Variants in TRAK1 observed in about 807,000 individuals in gnomAD.
The protein encoded by TRAK1 is trafficking kinesin-binding protein 1.
In TRAK1, 33 loss-of-function variants were observed where a neutral mutation model predicts 92.1. The observed-to-expected ratio is 0.36, with a 90% CI of 0.27 to 0.48. The LOEUF is 0.48. TRAK1 is among the 20% of genes least tolerant of loss of function. TRAK1 has a pLI of 0.99. For missense variants in TRAK1, 1,123 were observed against 1,257.9 expected (o/e 0.89, Z 1.62); for synonymous variants, 521 against 517.3 (o/e 1.01, Z -0.10).
chr3:42,076,044 A>G (rs1260983019), intron 1 of TRAK1, among the ~76,000 whole-genome samples: 1 of 151,164 alleles, frequency 6.6e-6, no homozygotes, highest in Non-Finnish European at 1.5e-5. Context: ...GGGTTTCATG[A>G]TGTTGGCTAG....
intron 2 of TRAK1, among the ~76,000 whole-genome samples, chr3:42,153,831 G>A (rs574665248): frequency 2.6e-5 from 4 of 152,180 alleles, no homozygotes; most frequent in South Asian, 4.2e-4. Context: ...CTGAGTTTTC[G>A]AATTTTCCTA....
At chr3:42,074,686 T>G (rs1704073716) in intron 1 of TRAK1, among the ~76,000 whole-genome samples, 2 of 152,122 alleles carry the variant, frequency 1.3e-5, no homozygotes, top group Admixed American at 1.3e-4. Flanking sequence ...GTTTTTTTTT[T>G]TTTTTTCCCA....
At chr3:42,194,979 G>A (rs138574437) in intron 10 of TRAK1, 38 bp downstream of exon 10, 322 of 1,609,392 alleles carry the variant, frequency 2.0e-4, no homozygotes, top group Non-Finnish European at 2.6e-4. Context: ...GGACAGGAGG[G>A]GTTCTGGTGA....
chr3:42,138,612 T>G (rs1698245014), intron 2 of TRAK1, among the ~76,000 whole-genome samples: 1 of 151,452 alleles, frequency 6.6e-6, no homozygotes, highest in Non-Finnish European at 1.5e-5. Context: ...ACTGGCCAGA[T>G]GTGGCGGCTC....
At chr3:42,146,712 G>A (rs2133066) in intron 2 of TRAK1, among the ~76,000 whole-genome samples, 77,067 of 151,912 alleles carry the variant, frequency 0.51, 21,861 homozygotes, top group East Asian at 0.94. Context: ...GTGCTACCAC[G>A]TCTAGCTGGT....
chr3:42,108,608 G>A (rs899647685), intron 1 of TRAK1, among the ~76,000 whole-genome samples: 1 of 151,488 alleles, frequency 6.6e-6, no homozygotes, highest in Non-Finnish European at 1.5e-5. Flanking sequence ...ATGGGTAAAT[G>A]ATGGAAGTAG....
chr3:42,030,403 T>C (rs942738877), intron 1 of TRAK1, among the ~76,000 whole-genome samples: 1 of 147,420 alleles, frequency 6.8e-6, no homozygotes, highest in African/African-American at 2.5e-5. Flanking sequence ...CCGGGCGTGG[T>C]AGCTCACGTC....
intron 1 of TRAK1, among the ~76,000 whole-genome samples, chr3:42,062,057 C>T (rs1703468299): frequency 6.6e-6 from 1 of 152,160 alleles, no homozygotes; most frequent in African/African-American, 2.4e-5. Context: ...ATTGAAATTG[C>T]AAGAGGAGTC....
chr3:42,152,823 A>G (rs1559840575), intron 2 of TRAK1, among the ~76,000 whole-genome samples: 2 of 152,200 alleles, frequency 1.3e-5, no homozygotes, highest in African/African-American at 4.8e-5. Context: ...TAGTTACTCT[A>G]GAAATAGGTA....
chr3:42,174,411 C>T (rs1702935116), intron 2 of TRAK1, among the ~76,000 whole-genome samples: 1 of 152,096 alleles, frequency 6.6e-6, no homozygotes, highest in African/African-American at 2.4e-5. Context: ...TGTATCAGTG[C>T]TGATATCCTG....
intron 14 of TRAK1, among the ~76,000 whole-genome samples, chr3:42,217,030 C>T (rs1709779678): frequency 1.3e-5 from 2 of 151,672 alleles, no homozygotes; most frequent in Admixed American, 1.3e-4. Context: ...GGTGACTTCA[C>T]AGTGAGCCCT....
At position 42,225,844 on chromosome 3, in the gene TRAK1, G is replaced by C. The variant is rs1710702749; in HGVS notation, c.*2107G>C. ...GAGACGATCTCTTTATGTAAGACTT[G>C]AAAGTGTTTAGCTCTTTGCAAAATT... On this transcript the variant is annotated 3_prime_UTR_variant, in exon 16 of 16. Coordinates refer to ENST00000327628, the MANE Select transcript of TRAK1 (RefSeq NM_001042646.3). The C allele has an allele frequency of 6.6e-6, 1 of 152,140 alleles. No homozygotes were observed. Among genetic ancestry groups the C allele is most frequent in the African/African-American group, 2.4e-5 (1 of 41,438 alleles). The allele number at this position is 152,140 out of a possible 1,614,324, so 9.4% of individuals were successfully genotyped here. A position where few individuals can be genotyped will look rare whatever the true frequency, so the allele number is the denominator to read the frequency against.
intron 2 of TRAK1, among the ~76,000 whole-genome samples, chr3:42,126,549 G>A (rs1375538): frequency 0.62 from 94,862 of 152,090 alleles, 29,903 homozygotes; most frequent in South Asian, 0.77. Flanking sequence ...TATGATTCTG[G>A]TATTTATTCA....
At chr3:42,129,592 GAGTCTGAGAAAC>G (rs1696929849) in intron 2 of TRAK1, among the ~76,000 whole-genome samples, 1 of 152,146 alleles carries the variant, frequency 6.6e-6, no homozygotes, top group Non-Finnish European at 1.5e-5. Context: ...TGTAACTCCT[GAGTCTGAGAAAC>G]ACAGAAAATT....
chr3:42,174,547 C>T (rs1191135553), intron 2 of TRAK1, among the ~76,000 whole-genome samples: 1 of 151,348 alleles, frequency 6.6e-6, no homozygotes, highest in Non-Finnish European at 1.5e-5. Context: ...AGTGCAGTGG[C>T]ACGACTTCTG....
intron 2 of TRAK1, among the ~76,000 whole-genome samples, chr3:42,127,322 G>T (rs1710704422): frequency 6.6e-6 from 1 of 151,516 alleles, no homozygotes; most frequent in Non-Finnish European, 1.5e-5. Context: ...TCTCTCACAG[G>T]AGGCTCCTGG....
intron 3 of TRAK1, among the ~76,000 whole-genome samples, chr3:42,177,624 C>T (rs1458686245): frequency 6.6e-6 from 1 of 152,056 alleles, no homozygotes; most frequent in Non-Finnish European, 1.5e-5. Flanking sequence ...GATTTTGGGG[C>T]GTGTGACTAT....
chr3:42,219,618 G>C, intron 15 of TRAK1, 22 bp downstream of exon 15: 2 of 1,594,086 alleles, frequency 1.3e-6, no homozygotes, highest in African/African-American at 2.7e-5. Flanking sequence ...TGGCTTTGGG[G>C]TGGGCAGGGG....
chr3:42,026,224 A>G (rs2148886316), intron 1 of TRAK1, among the ~76,000 whole-genome samples: 1 of 152,338 alleles, frequency 6.6e-6, no homozygotes, highest in Non-Finnish European at 1.5e-5. Context: ...ATTTTAGATT[A>G]AAAGTGAGCC....
Sources: gnomAD v4.1 joint callset for allele counts (sites outside exome capture counted in the v4.1 genomes callset) on GRCh38, gnomAD v4.1.1 for gene constraint, MANE v1.5 for transcripts, NCBI Gene and HGNC (gene_info 2026-07-23, HGNC 2026-07-21) for gene names.